The following TVP23C variants were observed in gnomAD, a reference collection of about 807,000 sequenced individuals.
TVP23C encodes trans-golgi network vesicle protein 23 homolog C, also known as Golgi apparatus membrane protein TVP23 homolog C.
In TVP23C, 19 loss-of-function variants were observed where a neutral mutation model predicts 28.7. The ratio of observed to expected loss-of-function variants is 0.66; its 90% CI spans 0.46 to 0.97. The LOEUF (loss-of-function observed/expected upper bound fraction) is 0.97, where lower values mean the gene tolerates loss of function less well. TVP23C is among the 50% of genes least tolerant of loss of function. The pLI, the probability that TVP23C is intolerant of heterozygous loss-of-function variation, is 0.00. For synonymous variants in TVP23C, 68 were observed against 81.7 expected (o/e 0.83, Z 0.90); for missense variants, 186 against 241.3 (o/e 0.77, Z 1.52).
chr17:15,532,152 A>T (rs1982973858), downstream of TVP23C, among the ~76,000 whole-genome samples: 1 of 152,170 alleles, frequency 6.6e-6, no homozygotes, highest in African/African-American at 2.4e-5. Flanking sequence ...GCCTCTGTAG[A>T]CATCACACTC....
chr17:15,527,836 T>C (rs1982790115), intron 5 of TVP23C, among the ~76,000 whole-genome samples: 1 of 152,220 alleles, frequency 6.6e-6, no homozygotes, highest in Non-Finnish European at 1.5e-5. Context: ...ATGAAACAAT[T>C]CGTGGAAAGC....
chr17:15,538,845 G>A lies in TVP23C; in HGVS notation c.*1567C>T, dbSNP rs536951969. On this transcript the variant is annotated 3_prime_UTR_variant, in exon 6 of 6. Coordinates refer to ENST00000518321, the MANE Select transcript of TVP23C (RefSeq NM_001135036.2). ...ACATACATGAAAGTTACCCTAAGGT[G>A]GACCACAGTAAAGGTATATTGGAGC... The A allele has an allele frequency of 2.5e-4, 245 of 985,778 alleles. 1 individual carries two copies. The African/African-American group carries it at 3.7e-3, about 15-fold the overall frequency. 61.1% of individuals were successfully genotyped at this position (985,778 alleles called of 1,614,324 possible).
intron 1 of TVP23C, among the ~76,000 whole-genome samples, chr17:15,557,142 T>C (rs557587380): frequency 6.7e-6 from 1 of 149,616 alleles, no homozygotes; most frequent in African/African-American, 2.4e-5. Context: ...AATACTGAAA[T>C]AGCTGAAAAC....
Position 15,557,556 on chromosome 17 carries a change from C to T in TVP23C, c.13-2192G>A, listed in dbSNP as rs530322066. 1.0e-3 allele frequency among the ~76,000 whole-genome samples: 152 copies of T among 149,060 alleles called. 6 individuals carry two copies. Among genetic ancestry groups the T allele is most frequent in the Middle Eastern group, 3.5e-3 (1 of 282 alleles). ...TCCAGGGATCCGCCCACCTCACCCCCCCATAGTGCTGGGATTATAGGTGTG... is the reference window on the plus strand; with the variant it reads ...TCCAGGGATCCGCCCACCTCACCCCTCCATAGTGCTGGGATTATAGGTGTG... On this transcript the variant is annotated intron_variant, in intron 1 of 5. Transcript: ENST00000518321.
rs987016447 is a variant in TVP23C at position 15,545,914 on chromosome 17, C to T, written c.333G>A (p.Glu111=). 15 of 1,607,622 alleles carry T rather than the reference C, an allele frequency of 9.3e-6. No homozygotes were observed. The highest frequency in any genetic ancestry group is 6.7e-5 in the South Asian group (6 of 90,086). The part of the protein sequence containing the change: ...KSHWVFESRK[E]SSQENKTVSE... ...ACACAGTTTTATTCTCTTGAGAGGA[C>T]TCCTATAAAAGAACATAAATTCAAT... Residue 111 remains glutamate (E), a splice_region_variant and synonymous_variant, in exon 5 of 6, where the codon GAG becomes GAA. Transcript: ENST00000518321.
intron 5 of TVP23C, among the ~76,000 whole-genome samples, chr17:15,515,963 G>A (rs1982208420): frequency 6.6e-6 from 1 of 152,104 alleles, no homozygotes; most frequent in South Asian, 2.1e-4. Context: ...ATAAGATCTG[G>A]TTATTTTAAA....
At position 15,503,818 on chromosome 17, in the gene TVP23C, C is replaced by G. The variant is rs182943286; in HGVS notation, c.463-586G>C. Among the ~76,000 whole-genome samples the G allele has an allele frequency of 3.9e-4, 59 of 152,042 alleles. 1 individual carries two copies. The highest frequency in any genetic ancestry group is 3.5e-3 in the Admixed American group (54 of 15,292). ...GCTTCATGGCTAGCATGCAGGCCAC[C>G]GAAGTTCTATCCCAAACAGAAGGAA... On this transcript the variant is annotated intron_variant, in intron 5 of 5. Coordinates refer to the TVP23C transcript ENST00000225576.
chr17:15,502,871 A>G (rs1981534279), exon 6 of TVP23C: 2 of 1,583,014 alleles, frequency 1.3e-6, no homozygotes, highest in South Asian at 1.2e-5. Flanking sequence ...TTTTTAATGC[A>G]TTCCGGATGC....
chr17:15,563,436 C>G lies in TVP23C; in HGVS notation c.12+1G>C, dbSNP rs575245116. 8 of 1,594,028 alleles carry G rather than the reference C, an allele frequency of 5.0e-6. No homozygotes were observed. Among genetic ancestry groups the G allele is most frequent in the Non-Finnish European group, 6.8e-6 (8 of 1,172,130 alleles). ...CTCCCAGCGCGCCCTCAGCCCCTCA[C>G]CTGCTGCAACATGGCGGCCCTACGC... On this transcript the variant is annotated splice_donor_variant, in intron 1 of 5. Transcript: ENST00000518321. LOFTEE classifies it high-confidence loss of function.
At chr17:15,552,527 C>T (rs1227470168) in intron 3 of TVP23C, among the ~76,000 whole-genome samples, 1 of 151,726 alleles carries the variant, frequency 6.6e-6, no homozygotes, top group Non-Finnish European at 1.5e-5. Flanking sequence ...ACTAAAAATA[C>T]AAAAAAATTA....
intron 4 of TVP23C, 89 bp downstream of exon 4, chr17:15,546,970 A>C: frequency 8.5e-7 from 1 of 1,174,844 alleles, no homozygotes. Flanking sequence ...TAGTGTTTTT[A>C]ATTCTGAATA....
intron 5 of TVP23C, among the ~76,000 whole-genome samples, 182 bp downstream of exon 5, chr17:15,545,603 G>GGTTTTAT (rs1983609756): frequency 6.6e-6 from 1 of 152,298 alleles, no homozygotes; most frequent in Non-Finnish European, 1.5e-5. Context: ...GGGTTTTTTA[G>GGTTTTAT]GATCTCTTCT....
intron 1 of TVP23C, among the ~76,000 whole-genome samples, chr17:15,556,760 C>G (rs1317595991): frequency 2.0e-5 from 3 of 152,282 alleles, no homozygotes; most frequent in Non-Finnish European, 2.9e-5. Context: ...TCACCAGCCT[C>G]CCTGCCTTTA....
At chr17:15,528,126 A>G (rs867378165) in intron 5 of TVP23C, among the ~76,000 whole-genome samples, 1 of 151,466 alleles carries the variant, frequency 6.6e-6, no homozygotes, top group Middle Eastern at 3.2e-3. Context: ...CTAATCTATT[A>G]TTTCCTTCCT....
chr17:15,519,725 A>G (rs1184495482), intron 5 of TVP23C, among the ~76,000 whole-genome samples: 2 of 152,072 alleles, frequency 1.3e-5, no homozygotes, highest in African/African-American at 4.8e-5. Flanking sequence ...CCTGGCTAAT[A>G]TGGTGAAGCC....
exon 6 of TVP23C, chr17:15,502,928 C>T (rs1652413886): frequency 6.2e-7 from 1 of 1,613,328 alleles, no homozygotes; most frequent in Non-Finnish European, 8.5e-7. Flanking sequence ...GCTATTGGGA[C>T]TCTCCCCACC....
At chr17:15,522,994 G>C (rs1322354936) in intron 5 of TVP23C, among the ~76,000 whole-genome samples, 1 of 152,012 alleles carries the variant, frequency 6.6e-6, no homozygotes, top group Admixed American at 6.5e-5. Flanking sequence ...AATGTTAAAA[G>C]TGAAGTTATA....
intron 5 of TVP23C, among the ~76,000 whole-genome samples, chr17:15,506,200 T>C (rs1981732200): frequency 6.6e-6 from 1 of 152,220 alleles, no homozygotes; most frequent in Non-Finnish European, 1.5e-5. Context: ...TCAGGGATTG[T>C]AAATACACCA....
chr17:15,543,537 G>A (rs57926686), intron 5 of TVP23C, among the ~76,000 whole-genome samples: 10,418 of 149,456 alleles, frequency 0.07, 564 homozygotes, highest in African/African-American at 0.12. Flanking sequence ...AAGCATGAGG[G>A]TGAGATAACA....
Sources: allele counts gnomAD v4.1 joint callset (sites outside exome capture counted in the v4.1 genomes callset), GRCh38; gene constraint gnomAD v4.1.1; transcripts MANE v1.5; gene names NCBI Gene and HGNC (gene_info 2026-07-23, HGNC 2026-07-21).